PTPRM: variants seen among roughly 807,000 people sequenced by gnomAD.
PTPRM encodes the protein protein tyrosine phosphatase receptor type M, also known as receptor-type tyrosine-protein phosphatase mu.
Under a neutral mutation model 186.7 loss-of-function variants are expected in PTPRM, and 47 were observed. The observed-to-expected ratio is 0.25, with a 90% CI of 0.20 to 0.32. PTPRM has a LOEUF of 0.32. Among genes scored for constraint, PTPRM ranks in the 10% least tolerant of loss-of-function variants. The pLI is 1.00. For synonymous variants in PTPRM, 668 were observed against 674.9 expected (o/e 0.99, Z 0.16); for missense variants, 1,494 against 1,865.0 (o/e 0.80, Z 3.66).
At chr18:7,872,314 C>T (rs1172526376) in intron 2 of PTPRM, among the ~76,000 whole-genome samples, 1 of 152,180 alleles carries the variant, frequency 6.6e-6, no homozygotes, top group Non-Finnish European at 1.5e-5. Flanking sequence ...CCCATTTATC[C>T]TTCCCACTTC....
intron 4 of PTPRM, among the ~76,000 whole-genome samples, chr18:7,923,739 A>G (rs2051005823): frequency 6.6e-6 from 1 of 152,200 alleles, no homozygotes; most frequent in Non-Finnish European, 1.5e-5. Context: ...ACTCCCTTAC[A>G]GGGGAGTTAA....
intron 1 of PTPRM, among the ~76,000 whole-genome samples, chr18:7,643,729 A>C (rs1009185245): frequency 6.6e-6 from 1 of 152,164 alleles, no homozygotes; most frequent in East Asian, 1.9e-4. Flanking sequence ...GTTTCTTTAA[A>C]TAGTGAAGCA....
At chr18:8,394,084 G>A (rs1199710928) in intron 31 of PTPRM, among the ~76,000 whole-genome samples, 9 of 152,248 alleles carry the variant, frequency 5.9e-5, no homozygotes, top group African/African-American at 1.4e-4. Context: ...GAGTCACTGC[G>A]CCCAGCTGCT....
At chr18:8,256,731 A>G (rs111617767) in intron 19 of PTPRM, among the ~76,000 whole-genome samples, 3,325 of 152,356 alleles carry the variant, frequency 0.022, 55 homozygotes, top group South Asian at 0.058. Flanking sequence ...AGTAACTTAC[A>G]CATAAATAGG....
chr18:8,054,197 G>T (rs1407660110), intron 7 of PTPRM, among the ~76,000 whole-genome samples: 2 of 150,276 alleles, frequency 1.3e-5, no homozygotes, highest in African/African-American at 2.4e-5. Flanking sequence ...GCACGATGTT[G>T]ATTTTACCTT....
At chr18:7,812,280 G>A (rs2044565320) in intron 2 of PTPRM, among the ~76,000 whole-genome samples, 1 of 152,200 alleles carries the variant, frequency 6.6e-6, no homozygotes, top group African/African-American at 2.4e-5. Context: ...TTAAAAAACC[G>A]GTTTTGATGA....
At chr18:7,849,470 T>TA (rs2046761301) in intron 2 of PTPRM, among the ~76,000 whole-genome samples, 1 of 152,198 alleles carries the variant, frequency 6.6e-6, no homozygotes, top group Non-Finnish European at 1.5e-5. Context: ...AGTGGATCTC[T>TA]AAAAAATAGA....
At chr18:8,203,953 T>C (rs1174259892) in intron 14 of PTPRM, among the ~76,000 whole-genome samples, 1 of 152,034 alleles carries the variant, frequency 6.6e-6, no homozygotes, top group African/African-American at 2.4e-5. Flanking sequence ...GGGTAGAAAA[T>C]ACATCGTAAC....
intron 1 of PTPRM, among the ~76,000 whole-genome samples, chr18:7,620,224 C>A (rs1241283980): frequency 6.6e-6 from 1 of 152,186 alleles, no homozygotes; most frequent in Non-Finnish European, 1.5e-5. Context: ...CTGTACCAGG[C>A]ATTGGCCTTT....
At chr18:7,723,782 C>G (rs982511855) in intron 1 of PTPRM, among the ~76,000 whole-genome samples, 2 of 152,160 alleles carry the variant, frequency 1.3e-5, no homozygotes, top group Non-Finnish European at 2.9e-5. Context: ...CCCCTGGGGG[C>G]GCGGGCTGGG....
In PTPRM at chr18:7,842,947, T is replaced by TATATATATAGAGAG. The variant is rs370746043; in HGVS notation, c.197-45158_197-45157insTATATATAGAGAGA. On this transcript the variant is annotated intron_variant, in intron 2 of 32. Coordinates refer to ENST00000580170, the MANE Select transcript of PTPRM (RefSeq NM_001105244.2). ...GTGTGTGTGTATATATATATATATA[T>TATATATATAGAGAG]AGAGAGAGAGAGAGAGAGAGAGAGA... is the stretch of plus-strand genomic sequence containing the variant. Among the ~76,000 whole-genome samples the TATATATATAGAGAG allele has an allele frequency of 1.2e-3, 135 of 112,100 alleles. 1 individual carries two copies. The highest frequency in any genetic ancestry group is 4.8e-3 in the African/African-American group (115 of 23,774). 73.5% of individuals were successfully genotyped at this position (112,100 alleles called of 152,430 possible). A position where few individuals can be genotyped will look rare whatever the true frequency, so the allele number is the denominator to read the frequency against.
rs531199027 is a variant in PTPRM, at chr18:7,926,588, C to A, written c.568C>A (p.Arg190=). The part of the protein sequence containing the change: ...HPCTRTPHFL[R]IQNVEVNAGQ... ...TGTAGCCAGGACTCCTCACTTCCTGCGGATTCAGAATGTGGAAGTTAATGC... is the reference window on the plus strand; with the variant it reads ...TGTAGCCAGGACTCCTCACTTCCTGAGGATTCAGAATGTGGAAGTTAATGC... Residue 190 remains arginine (R), a synonymous_variant, in exon 5 of 33, where the codon CGG becomes AGG. Coordinates refer to ENST00000580170, the MANE Select transcript of PTPRM (RefSeq NM_001105244.2). The A allele has an allele frequency of 6.2e-7, 1 of 1,612,862 alleles. No individual in the cohort carries two copies. Among genetic ancestry groups the A allele is most frequent in the Non-Finnish European group, 8.5e-7 (1 of 1,179,642 alleles).
chr18:7,792,386 G>T (rs2043384491), intron 2 of PTPRM, among the ~76,000 whole-genome samples: 1 of 152,140 alleles, frequency 6.6e-6, no homozygotes, highest in Non-Finnish European at 1.5e-5. Context: ...GAAGGTGCAT[G>T]AAGAGCCTGT....
intron 1 of PTPRM, among the ~76,000 whole-genome samples, chr18:7,663,844 G>A (rs1356006781): frequency 1.3e-5 from 2 of 152,190 alleles, no homozygotes; most frequent in South Asian, 2.1e-4. Flanking sequence ...AGGCACCTGG[G>A]GGTCCTGCCT....
chr18:7,758,093 A>G lies in PTPRM; in HGVS notation c.74-16056A>G, dbSNP rs778043352. On this transcript the variant is annotated intron_variant, in intron 1 of 32. Transcript: ENST00000580170. ...TTCCGTAAATCTAGAACGGGACTCA[A>G]TATTCATGTGTTAGTAATTTATCCC... Among the ~76,000 whole-genome samples, 111 of 152,300 alleles carry G rather than the reference A, an allele frequency of 7.3e-4. 1 individual carries two copies. The highest frequency in any genetic ancestry group is 4.1e-4 in the Non-Finnish European group (28 of 68,034).
At chr18:8,341,691 C>CCT (rs1555879321) in intron 22 of PTPRM, among the ~76,000 whole-genome samples, 1 of 151,926 alleles carries the variant, frequency 6.6e-6, no homozygotes, top group Non-Finnish European at 1.5e-5. Context: ...AGCCCCCCCC[C>CCT]CTTTGATTCA....
chr18:7,699,072 G>A (rs1402230137), intron 1 of PTPRM, among the ~76,000 whole-genome samples: 1 of 152,176 alleles, frequency 6.6e-6, no homozygotes, highest in African/African-American at 2.4e-5. Flanking sequence ...TGTCAGATCA[G>A]CGGCAGCATT....
chr18:8,228,997 G>A (rs1289600552), intron 14 of PTPRM, among the ~76,000 whole-genome samples: 1 of 152,124 alleles, frequency 6.6e-6, no homozygotes, highest in Non-Finnish European at 1.5e-5. Flanking sequence ...AAATGTGAGA[G>A]TCGTCACCAA....
chr18:8,126,834 G>T (rs2092378237), intron 13 of PTPRM, among the ~76,000 whole-genome samples: 1 of 152,138 alleles, frequency 6.6e-6, no homozygotes, highest in Non-Finnish European at 1.5e-5. Context: ...CAAAGGTCCG[G>T]TGGTGTGATG....
Sources: allele counts gnomAD v4.1 joint callset (sites outside exome capture counted in the v4.1 genomes callset), GRCh38; gene constraint gnomAD v4.1.1; transcripts MANE v1.5; gene names NCBI Gene and HGNC (gene_info 2026-07-23, HGNC 2026-07-21).